NTRK3: variants seen among roughly 807,000 people sequenced by gnomAD.
The protein encoded by NTRK3 is neurotrophic receptor tyrosine kinase 3.
NTRK3 carries 24 observed loss-of-function variants against 91.7 expected under a neutral mutation model. That is an observed-to-expected ratio of 0.26 (90% CI 0.19 to 0.37). The LOEUF (loss-of-function observed/expected upper bound fraction) is 0.37, where lower values mean the gene tolerates loss of function less well. Ranked by LOEUF, NTRK3 falls within the 10% of genes least tolerant of loss-of-function variation. The pLI is 1.00. For synonymous variants in NTRK3, 483 were observed against 404.0 expected (o/e 1.20, Z -2.34); for missense variants, 880 against 1,068.9 (o/e 0.82, Z 2.46).
chr15:87,999,670 A>T lies in NTRK3; in HGVS notation c.1585+33187T>A, dbSNP rs573301112. ...AGGGGCATGATAAGGAGCTGAGGAC[A>T]TGACTAAATTGGAAAAGTTTATCTT... On this transcript the variant is annotated intron_variant, in intron 14 of 18. Coordinates refer to ENST00000394480, the Ensembl canonical transcript of NTRK3. 2.5e-4 allele frequency among the ~76,000 whole-genome samples: 38 copies of T among 152,346 alleles called. No individual in the cohort carries two copies. In the South Asian group the frequency reaches 7.9e-3, roughly 32 times the overall value.
intron 14 of NTRK3, among the ~76,000 whole-genome samples, chr15:88,007,155 A>G (rs1596653894): frequency 6.6e-6 from 1 of 152,232 alleles, no homozygotes. Flanking sequence ...TGCTCTAGGT[A>G]TGATACAATG....
intron 14 of NTRK3, among the ~76,000 whole-genome samples, chr15:87,983,207 C>T (rs2074443975): frequency 6.6e-6 from 1 of 152,196 alleles, no homozygotes; most frequent in South Asian, 2.1e-4. Flanking sequence ...TGGAAAAAAG[C>T]ATTTTGTACC....
chr15:87,928,843 T>G, intron 17 of NTRK3: 1 of 458,190 alleles, frequency 2.2e-6, no homozygotes, highest in Non-Finnish European at 3.9e-6. Flanking sequence ...TAGTATCAAG[T>G]TGGGTGTGTC....
intron 3 of NTRK3, among the ~76,000 whole-genome samples, chr15:88,214,206 G>T (rs1234548672): frequency 6.6e-6 from 1 of 152,176 alleles, no homozygotes; most frequent in African/African-American, 2.4e-5. Flanking sequence ...AAATGAAATT[G>T]TCTCACAGTC....
At chr15:88,068,710 C>T (rs969043699) in intron 13 of NTRK3, among the ~76,000 whole-genome samples, 12 of 152,056 alleles carry the variant, frequency 7.9e-5, no homozygotes, top group Non-Finnish European at 1.6e-4. Context: ...AGCATGGGCC[C>T]GTGGCTATCC....
At chr15:87,949,689 A>G (rs1188489505) in intron 14 of NTRK3, among the ~76,000 whole-genome samples, 2 of 152,104 alleles carry the variant, frequency 1.3e-5, no homozygotes, top group Admixed American at 6.5e-5. Context: ...CAGGCTCCCA[A>G]CATCAGCCTC....
chr15:88,037,433 A>G lies in NTRK3; in HGVS notation c.1397-4388T>C, dbSNP rs1032972097. ...AAAAATTAGCTGGGTGTGTTGGTGC[A>G]TGCCTGTGATCCCAGCTACTAGAGA... is the stretch of plus-strand genomic sequence containing the variant. On this transcript the variant is annotated intron_variant, in intron 13 of 18. Coordinates refer to ENST00000394480, the Ensembl canonical transcript of NTRK3. 3.3e-5 allele frequency among the ~76,000 whole-genome samples: 5 copies of G among 152,234 alleles called. No individual in the cohort carries two copies. In the East Asian group the frequency reaches 9.7e-4, roughly 29 times the overall value.
intron 14 of NTRK3, among the ~76,000 whole-genome samples, chr15:88,021,314 A>G (rs2141887015): frequency 6.6e-6 from 1 of 152,350 alleles, no homozygotes; most frequent in East Asian, 1.9e-4. Flanking sequence ...GGGCACTGTC[A>G]CAGTGAGTGA....
chr15:88,232,647 T>A (rs1236365548), intron 3 of NTRK3, among the ~76,000 whole-genome samples: 1 of 152,144 alleles, frequency 6.6e-6, no homozygotes, highest in African/African-American at 2.4e-5. Context: ...AATACCTCCA[T>A]GAAGCAACCT....
chr15:88,247,037 C>G (rs748023006), intron 3 of NTRK3, among the ~76,000 whole-genome samples: 1 of 152,182 alleles, frequency 6.6e-6, no homozygotes, highest in South Asian at 2.1e-4. Context: ...AAGCCAAAAT[C>G]TTTTAAGGTC....
At chr15:88,125,006 G>A (rs1271268425) in intron 13 of NTRK3, among the ~76,000 whole-genome samples, 3 of 152,292 alleles carry the variant, frequency 2.0e-5, no homozygotes, top group Middle Eastern at 3.4e-3. Flanking sequence ...TTGAGACAGG[G>A]TCTTTCTTTG....
chr15:88,080,204 T>A (rs572098510), intron 13 of NTRK3, among the ~76,000 whole-genome samples: 1 of 152,314 alleles, frequency 6.6e-6, no homozygotes, highest in South Asian at 2.1e-4. Context: ...TCTGATTATT[T>A]CCTTAAGGTA....
At chr15:88,055,844 C>T (rs2045628058) in intron 13 of NTRK3, among the ~76,000 whole-genome samples, 1 of 152,142 alleles carries the variant, frequency 6.6e-6, no homozygotes, top group Non-Finnish European at 1.5e-5. Context: ...TCAACGTTTT[C>T]CTCCCCTAGC....
chr15:87,981,017 C>T (rs113152888), intron 14 of NTRK3, among the ~76,000 whole-genome samples: 15 of 152,264 alleles, frequency 9.9e-5, no homozygotes, highest in African/African-American at 3.6e-4. Flanking sequence ...TCCCATAGCC[C>T]TTACCTAGGC....
At chr15:88,228,999 A>G (rs571788888) in intron 3 of NTRK3, among the ~76,000 whole-genome samples, 1 of 152,206 alleles carries the variant, frequency 6.6e-6, no homozygotes, top group African/African-American at 2.4e-5. Flanking sequence ...CCCTGACCCT[A>G]TCTGCCCCTC....
At chr15:88,028,067 T>A (rs540477642) in intron 14 of NTRK3, among the ~76,000 whole-genome samples, 1 of 151,756 alleles carries the variant, frequency 6.6e-6, no homozygotes, top group South Asian at 2.1e-4. Flanking sequence ...AATGGGCATT[T>A]CAAGGTAGTG....
At chr15:88,127,290 G>C (rs1018694553) in intron 11 of NTRK3, 64 bp from the exon 12 acceptor site, 2 of 1,379,706 alleles carry the variant, frequency 1.4e-6, no homozygotes, top group East Asian at 2.3e-5. Flanking sequence ...CTCAGCCACA[G>C]TCCCTGCCCA....
intron 17 of NTRK3, among the ~76,000 whole-genome samples, chr15:87,888,310 G>A (rs543284211): frequency 2.0e-5 from 3 of 152,264 alleles, no homozygotes; most frequent in Middle Eastern, 6.8e-3. Context: ...GGAGCAGAAC[G>A]AGAATGTCAC....
rs1200522168 is a variant in NTRK3, at chr15:87,877,166, T to C, written c.2293-46A>G. The C allele has an allele frequency of 2.5e-6, 4 of 1,602,662 alleles. No individual in the cohort carries two copies. In the Admixed American group the frequency reaches 6.8e-5, roughly 27 times the overall value. On this transcript the variant is annotated intron_variant, in intron 18 of 18. Coordinates refer to ENST00000394480, the Ensembl canonical transcript of NTRK3. ...AGGAAGTTACACCCAAAGCTCAGCC[T>C]TGGTCCTGTGGCTCAGACTCGGCAA...
Sources: gnomAD v4.1 joint callset for allele counts (sites outside exome capture counted in the v4.1 genomes callset) on GRCh38, gnomAD v4.1.1 for gene constraint, MANE v1.5 for transcripts, NCBI Gene and HGNC (gene_info 2026-07-23, HGNC 2026-07-21) for gene names.